The following DACH2 variants were observed in gnomAD, a reference collection of about 807,000 sequenced individuals.
The protein encoded by DACH2 is dachshund homolog 2.
A neutral mutation model predicts 35.8 loss-of-function variants in DACH2; 17 were observed. That is an observed-to-expected ratio of 0.48 (90% CI 0.33 to 0.71). The LOEUF is 0.71. Ranked by LOEUF, DACH2 falls within the 30% of genes least tolerant of loss-of-function variation. The pLI is 0.02. For synonymous variants in DACH2, 195 were observed against 177.3 expected, an observed-to-expected ratio of 1.10 and a Z score of -0.79; for missense variants, 469 against 472.7, an observed-to-expected ratio of 0.99 and a Z score of 0.07.
chrX:86,289,762 T>A (rs1373042303), intron 1 of DACH2, among the ~76,000 whole-genome samples: 1 of 109,760 alleles, frequency 9.1e-6, no homozygotes, highest in Non-Finnish European at 1.9e-5. Context: ...CATCATTTTT[T>A]ATGGCTGCAT....
At chrX:86,668,122 A>T (rs1392679167) in intron 4 of DACH2, among the ~76,000 whole-genome samples, 1 of 110,436 alleles carries the variant, frequency 9.1e-6, no homozygotes, top group Non-Finnish European at 1.9e-5. Context: ...AGAAAAAAAT[A>T]ACTTTGTCTT....
At chrX:86,831,321 A>G (rs1235101642) in intron 11 of DACH2, 1 of 111,119 alleles carries the variant, frequency 9.0e-6, no homozygotes, top group South Asian at 3.7e-4. Context: ...ACTCAGAAAC[A>G]TTATCTTTAA....
chrX:86,515,733 T>C (rs181914995), intron 3 of DACH2, among the ~76,000 whole-genome samples: 30 of 112,575 alleles, frequency 2.7e-4, no homozygotes, highest in Non-Finnish European at 5.3e-4. Context: ...TCTCCTTCAC[T>C]TATGATTTTG....
chrX:86,594,538 A>G (rs1420359976), intron 3 of DACH2, among the ~76,000 whole-genome samples: 2 of 110,493 alleles, frequency 1.8e-5, no homozygotes, highest in Non-Finnish European at 3.8e-5. Context: ...CATTTCATTC[A>G]AAACACTTTT....
intron 3 of DACH2, among the ~76,000 whole-genome samples, chrX:86,546,404 C>CTTCTTCTTCCTTCTTCCTTCTT (rs774988785): frequency 9.2e-5 from 2 of 21,693 alleles, no homozygotes; most frequent in African/African-American, 1.2e-4. Context: ...TCTTCTTCTT[C>CTTCTTCTTCCTTCTTCCTTCTT]CTTCTTCTTC....
chrX:86,719,429 T>C (rs1602845282), intron 6 of DACH2, among the ~76,000 whole-genome samples: 1 of 112,214 alleles, frequency 8.9e-6, no homozygotes, highest in Non-Finnish European at 1.9e-5. Context: ...CTTCCCCTTT[T>C]CAATTTGGAT....
intron 7 of DACH2, among the ~76,000 whole-genome samples, chrX:86,756,680 C>T (rs777522375): frequency 4.5e-5 from 5 of 110,925 alleles, no homozygotes; most frequent in Non-Finnish European, 9.4e-5. Flanking sequence ...CATCTGCAAA[C>T]AGGGATAATT....
At chrX:86,166,746 C>A (rs2030957323) in intron 1 of DACH2, among the ~76,000 whole-genome samples, 1 of 111,157 alleles carries the variant, frequency 9.0e-6, no homozygotes, top group Non-Finnish European at 1.9e-5. Context: ...CCTTCTATCC[C>A]CAGTTTTTTG....
chrX:86,818,183 G>A (rs996850382), intron 11 of DACH2, among the ~76,000 whole-genome samples: 3 of 111,319 alleles, frequency 2.7e-5, no homozygotes, highest in African/African-American at 9.8e-5. Flanking sequence ...CTCTTTGCAC[G>A]ACATTTAAGC....
chrX:86,282,423 A>G (rs2034048861), intron 1 of DACH2, among the ~76,000 whole-genome samples: 1 of 111,926 alleles, frequency 8.9e-6, no homozygotes, highest in Admixed American at 9.5e-5. Flanking sequence ...TATTTAATAA[A>G]TGGTGTTGGG....
chrX:86,225,834 G>C (rs1263131627), intron 1 of DACH2, among the ~76,000 whole-genome samples: 3 of 111,426 alleles, frequency 2.7e-5, no homozygotes, highest in African/African-American at 9.7e-5. Flanking sequence ...GTCTCTTTTT[G>C]TTATTCATAT....
chrX:86,468,652 T>A, intron 2 of DACH2, among the ~76,000 whole-genome samples: 1 of 111,776 alleles, frequency 8.9e-6, no homozygotes, highest in South Asian at 3.7e-4. Context: ...AAGTATGTTA[T>A]TCCCAGAAAT....
chrX:86,741,748 A>C (rs2041658439), intron 7 of DACH2, among the ~76,000 whole-genome samples: 2 of 111,424 alleles, frequency 1.8e-5, no homozygotes, highest in Non-Finnish European at 3.8e-5. Flanking sequence ...GAGGGTGGGA[A>C]GAAGGAGACA....
intron 1 of DACH2, among the ~76,000 whole-genome samples, chrX:86,220,866 C>T (rs1341328156): frequency 1.8e-5 from 2 of 112,032 alleles, no homozygotes; most frequent in African/African-American, 6.5e-5. Context: ...TCTTCACATC[C>T]TTGCTAATGC....
chrX:86,641,141 A>G (rs1165911432), intron 3 of DACH2, among the ~76,000 whole-genome samples: 2 of 112,079 alleles, frequency 1.8e-5, no homozygotes, highest in Admixed American at 1.9e-4. Context: ...CAGAATATGG[A>G]TAGGAACAAA....
At chrX:86,160,250 T>C (rs1208213703) in intron 1 of DACH2, 1 of 1,198,271 alleles carries the variant, frequency 8.3e-7, no homozygotes, top group South Asian at 1.8e-5. Context: ...CTTCTGAGCT[T>C]TCTGGGCAGA....
In DACH2 at chrX:86,739,853, C is replaced by A; in HGVS notation, c.1211C>A (p.Ser404Tyr). 8.3e-7 allele frequency: 1 copy of A among 1,202,540 alleles called. No homozygotes were observed. Among genetic ancestry groups the A allele is most frequent in the East Asian group, 3.0e-5 (1 of 33,334 alleles). ...HTSSSVSSSP[S>Y]QMDHHLERME... Reference sequence around the variant, plus strand: ...AGCAGCAGTGTGTCCAGCTCTCCCTCTCAGATGGATCATCATTTGGAAAGA... The same window carrying A: ...AGCAGCAGTGTGTCCAGCTCTCCCTATCAGATGGATCATCATTTGGAAAGA... Residue 404 changes from serine to tyrosine, a missense_variant, in exon 7 of 12, where the codon TCT (serine) becomes TAT (tyrosine). Around this residue, in one of 3 missense-constraint regions of DACH2, gnomAD observed 363 missense variants for 334.4 expected, o/e 1.09. Transcript: ENST00000373125.
chrX:86,343,806 A>C (rs2035452875), intron 1 of DACH2, among the ~76,000 whole-genome samples: 1 of 111,351 alleles, frequency 9.0e-6, no homozygotes, highest in Non-Finnish European at 1.9e-5. Flanking sequence ...TAATTTAAAA[A>C]CATTTGCCAT....
At chrX:86,617,286 T>C (rs1473577013) in intron 3 of DACH2, among the ~76,000 whole-genome samples, 1 of 110,995 alleles carries the variant, frequency 9.0e-6, no homozygotes, top group African/African-American at 3.3e-5. Context: ...AATTCTAAAA[T>C]AGTTTTTTTT....
Sources: allele counts gnomAD v4.1 joint callset (sites outside exome capture counted in the v4.1 genomes callset), GRCh38; gene constraint gnomAD v4.1.1; regional missense constraint gnomAD v4.1.1; transcripts MANE v1.5; gene names NCBI Gene and HGNC (gene_info 2026-07-23, HGNC 2026-07-21).